The following TET3 variants were observed in gnomAD, a reference collection of about 807,000 sequenced individuals.
TET3 encodes methylcytosine dioxygenase TET3.
TET3 carries 19 observed loss-of-function variants against 141.4 expected under a neutral mutation model. The observed-to-expected ratio is 0.13, with a 90% CI of 0.09 to 0.20. TET3 has a LOEUF of 0.20. TET3 is among the 10% of genes least tolerant of loss of function. The pLI is 1.00. For synonymous variants in TET3, 1,043 were observed against 980.9 expected (o/e 1.06, Z -1.18); for missense variants, 1,874 against 2,356.9 (o/e 0.80, Z 4.24).
chr2:74,126,098 A>G, the TET3 span, among the ~76,000 whole-genome samples: 1 of 152,154 alleles, frequency 6.6e-6, no homozygotes, highest in Admixed American at 6.5e-5. Context: ...TTTCTTAAAC[A>G]TGGTTAAGAT....
chr2:74,118,550 A>C, the TET3 span, among the ~76,000 whole-genome samples: 1 of 152,210 alleles, frequency 6.6e-6, no homozygotes, highest in East Asian at 1.9e-4. Context: ...CTATATTATC[A>C]GTAAGGCTTC....
At chr2:74,083,413 C>T (rs749085151) in intron 6 of TET3, among the ~76,000 whole-genome samples, 3 of 152,134 alleles carry the variant, frequency 2.0e-5, no homozygotes, top group Non-Finnish European at 2.9e-5. Flanking sequence ...CTTAGGAAGC[C>T]GCAGGTGTTA....
At position 74,101,729 on chromosome 2, in the gene TET3, G is replaced by A; in HGVS notation, c.4941G>A (p.Leu1647=). 1.2e-6 allele frequency: 2 copies of A among 1,613,516 alleles called. No homozygotes were observed. The highest frequency in any genetic ancestry group is 1.1e-5 in the South Asian group (1 of 91,082). ...GGTCGGACAGTGAACACAACTTCCT[G>A]GACGAGAACATCGGCGGCGTGGCCG... is the stretch of plus-strand genomic sequence containing the variant. ...ELWSDSEHNF[L]DENIGGVAVA... The change falls in exon 12 of 12, where the codon CTG becomes CTA. Residue 1647 remains leucine, a synonymous_variant. Coordinates refer to ENST00000409262, the MANE Select transcript of TET3 (RefSeq NM_001287491.2). The surrounding 1 kb of genome is among the most constrained non-coding windows in gnomAD (Gnocchi z 8.5).
rs559663083 is a variant in TET3 at position 73,993,906 on chromosome 2, A to G, written c.303+7200A>G. ...GTCCATAGAATCTTAGGTCTCATGGAACAATCTGGAAGCTTATGGAGCAGA... is the reference window on the plus strand; with the variant it reads ...GTCCATAGAATCTTAGGTCTCATGGGACAATCTGGAAGCTTATGGAGCAGA... On this transcript the variant is annotated intron_variant, in intron 2 of 11. Coordinates refer to ENST00000409262, the MANE Select transcript of TET3 (RefSeq NM_001287491.2). Among the ~76,000 whole-genome samples, 8 of 152,252 alleles carry G rather than the reference A, an allele frequency of 5.3e-5. No homozygotes were observed. The East Asian group carries it at 1.5e-3, about 29-fold the overall frequency.
intron 3 of TET3, among the ~76,000 whole-genome samples, chr2:74,039,360 C>A (rs1239079553): frequency 6.6e-6 from 1 of 152,198 alleles, no homozygotes; most frequent in South Asian, 2.1e-4. Context: ...TGGACACCCA[C>A]CTGCCCACCT....
chr2:74,098,945 G>C (rs972731882), intron 10 of TET3, among the ~76,000 whole-genome samples: 1 of 152,234 alleles, frequency 6.6e-6, no homozygotes, highest in African/African-American at 2.4e-5. Context: ...GGGCAACGTG[G>C]TGCTGTGGCG....
intron 6 of TET3, among the ~76,000 whole-genome samples, chr2:74,085,634 T>TCACAATAGGGTC (rs1290468508): frequency 1.3e-5 from 2 of 151,940 alleles, no homozygotes; most frequent in Admixed American, 6.6e-5. Context: ...CATGCGCAGT[T>TCACAATAGGGTC]CATGCTCCTA....
At chr2:74,001,670 G>A (rs959611001) in intron 2 of TET3, among the ~76,000 whole-genome samples, 2 of 152,286 alleles carry the variant, frequency 1.3e-5, no homozygotes, top group East Asian at 3.9e-4. Context: ...GGCCCAGGAA[G>A]TAAATCTAGG....
chr2:73,986,086 G>C lies in TET3; in HGVS notation c.-318G>C, dbSNP rs901780541. The stretch of plus-strand genomic sequence containing the variant: ...CCCCTACCTGCTCAACTCATGCCTG[G>C]GTCCAGGGTGGGTGAGGGTGAAGAA... On this transcript the variant is annotated 5_prime_UTR_variant, in exon 2 of 12. Coordinates refer to ENST00000409262, the MANE Select transcript of TET3 (RefSeq NM_001287491.2). 6 of 238,306 alleles carry C rather than the reference G, an allele frequency of 2.5e-5. No homozygotes were observed. Among genetic ancestry groups the C allele is most frequent in the Non-Finnish European group, 4.8e-5 (6 of 124,692 alleles). The allele number at this position is 238,306 out of a possible 1,614,324, so 14.8% of individuals were successfully genotyped here.
chr2:74,076,540 A>G (rs1481800592), intron 5 of TET3, among the ~76,000 whole-genome samples: 3 of 142,552 alleles, frequency 2.1e-5, no homozygotes, highest in East Asian at 4.0e-4. Context: ...ATATAACAAG[A>G]TATTCCAGGC....
In TET3 at chr2:74,032,451, C is replaced by CTGTGTGTGTG. The variant is rs61217149; in HGVS notation, c.361-13779_361-13770dup. On this transcript the variant is annotated intron_variant, in intron 3 of 11. Transcript: ENST00000409262. Reference sequence around the variant, plus strand: ...CAGCGGCTGCAAGAGGGGTGTGTCTCTGTGTGTGTGTGTGTGTGTGTGTGT... The same window carrying CTGTGTGTGTG: ...CAGCGGCTGCAAGAGGGGTGTGTCTCTGTGTGTGTGTGTGTGTGTGTGTGTGTGTGTGTGT... Among the ~76,000 whole-genome samples the CTGTGTGTGTG allele has an allele frequency of 1.7e-4, 12 of 71,950 alleles. 1 individual carries two copies. The highest frequency in any genetic ancestry group is 1.1e-3 in the African/African-American group (10 of 8,814). The allele number at this position is 71,950 out of a possible 152,430, so 47.2% of individuals were successfully genotyped here. A position where few individuals can be genotyped will look rare whatever the true frequency, so the allele number is the denominator to read the frequency against.
At chr2:73,998,579 C>T (rs535391867) in intron 2 of TET3, 1 of 152,702 alleles carries the variant, frequency 6.5e-6, no homozygotes, top group Non-Finnish European at 1.5e-5. Flanking sequence ...TCCTCAGCCT[C>T]CTCCTCCCTG....
chr2:74,042,706 G>A (rs1687402252), intron 3 of TET3, among the ~76,000 whole-genome samples: 1 of 152,206 alleles, frequency 6.6e-6, no homozygotes, highest in African/African-American at 2.4e-5. Flanking sequence ...TACCTGGGCT[G>A]TTCTTAAATG....
chr2:74,051,178 G>A (rs1210320145), intron 4 of TET3, among the ~76,000 whole-genome samples: 1 of 152,202 alleles, frequency 6.6e-6, no homozygotes, highest in Non-Finnish European at 1.5e-5. Flanking sequence ...AGGGTGACCT[G>A]AAACCTCTGT....
intron 3 of TET3, among the ~76,000 whole-genome samples, chr2:74,015,133 G>A (rs1685661205): frequency 6.6e-6 from 1 of 152,200 alleles, no homozygotes; most frequent in Admixed American, 6.5e-5. Flanking sequence ...GCACCCAAGG[G>A]AGAAGGTGCA....
chr2:74,094,828 CAG>C (rs780877548), intron 10 of TET3, among the ~76,000 whole-genome samples: 34 of 152,202 alleles, frequency 2.2e-4, no homozygotes, highest in South Asian at 8.3e-4. Flanking sequence ...ATGTAAGTAA[CAG>C]GGGAAGGCTG....
chr2:74,031,512 CTG>C (rs1686687693), intron 3 of TET3, among the ~76,000 whole-genome samples: 2 of 152,202 alleles, frequency 1.3e-5, no homozygotes, highest in Admixed American at 6.5e-5. Flanking sequence ...CGAGTAGTGA[CTG>C]TGGATAATGA....
Position 74,046,349 on chromosome 2 carries a change from G to A in TET3, c.432G>A (p.Gly144=). The A allele has an allele frequency of 6.5e-7, 1 of 1,527,732 alleles. No homozygotes were observed. The highest frequency in any genetic ancestry group is 8.8e-7 in the Non-Finnish European group (1 of 1,141,234). 94.6% of individuals were successfully genotyped at this position (1,527,732 alleles called of 1,614,324 possible). A position where few individuals can be genotyped will look rare whatever the true frequency, so the allele number is the denominator to read the frequency against. The part of the protein sequence containing the change: ...GQMDSGPVYH[G]DSRQLSASGV... ...TGGACTCAGGGCCAGTGTACCATGG[G>A]GACTCACGGCAGCTAAGCGCCTCAG... The change falls in exon 4 of 12, where the codon GGG becomes GGA. Residue 144 remains glycine, a synonymous_variant. Coordinates refer to ENST00000409262, the MANE Select transcript of TET3 (RefSeq NM_001287491.2). This position sits in a 1 kb window ranked among gnomAD's most constrained non-coding sequence, Gnocchi z 4.3.
At chr2:73,983,679 C>T (rs554091676), upstream of TET3, among the ~76,000 whole-genome samples, 61 of 152,338 alleles carry the variant, frequency 4.0e-4, no homozygotes, top group South Asian at 9.1e-3. Flanking sequence ...AAATAGCCGG[C>T]CGAATGCTCT....
Sources: allele counts gnomAD v4.1 joint callset (sites outside exome capture counted in the v4.1 genomes callset), GRCh38; gene constraint gnomAD v4.1.1; non-coding constraint Gnocchi (gnomAD v3.1); transcripts MANE v1.5; gene names NCBI Gene and HGNC (gene_info 2026-07-23, HGNC 2026-07-21).